PIP5K1B: variants seen among roughly 807,000 people sequenced by gnomAD.
PIP5K1B encodes phosphatidylinositol-4-phosphate 5-kinase type 1 beta.
A neutral mutation model predicts 67.0 loss-of-function variants in PIP5K1B; 42 were observed. That is an observed-to-expected ratio of 0.63 (90% CI 0.49 to 0.81). The LOEUF (loss-of-function observed/expected upper bound fraction) is 0.81. Ranked by LOEUF, PIP5K1B falls within the 30% of genes least tolerant of loss-of-function variation. The pLI is 0.00. For missense variants in PIP5K1B, 459 were observed against 646.3 expected (o/e 0.71, Z 3.14); for synonymous variants, 214 against 231.4 (o/e 0.92, Z 0.68).
intron 4 of PIP5K1B, among the ~76,000 whole-genome samples, chr9:68,851,649 A>T (rs1822488028): frequency 6.6e-6 from 1 of 152,204 alleles, no homozygotes; most frequent in Admixed American, 6.5e-5. Context: ...AGGATACTGA[A>T]AAGAGAATGG....
chr9:68,714,171 G>A (rs1587328982), intron 1 of PIP5K1B, among the ~76,000 whole-genome samples: 1 of 152,106 alleles, frequency 6.6e-6, no homozygotes, highest in Non-Finnish European at 1.5e-5. Flanking sequence ...TTGACATTGC[G>A]CTTGGATATC....
intron 14 of PIP5K1B, among the ~76,000 whole-genome samples, chr9:68,979,282 A>G (rs1344224642): frequency 1.3e-5 from 2 of 152,210 alleles, no homozygotes; most frequent in African/African-American, 2.4e-5. Context: ...AAATGTACAA[A>G]ATAAATAGCC....
At position 68,815,441 on chromosome 9, in the gene PIP5K1B, A is replaced by G. The variant is rs188980641; in HGVS notation, c.-85-3020A>G. On this transcript the variant is annotated intron_variant, in intron 2 of 15. Coordinates refer to ENST00000265382, the MANE Select transcript of PIP5K1B (RefSeq NM_003558.4). ...AATATGTATATAATATAAAGAATGT[A>G]CATATACACATGCAACATTAGGAAT... Among the ~76,000 whole-genome samples the G allele has an allele frequency of 2.7e-3, 413 of 152,232 alleles. 9 individuals are homozygous for G. Among genetic ancestry groups the G allele is most frequent in the Admixed American group, 0.024 (362 of 15,296 alleles).
chr9:68,748,393 A>T (rs1033233671), intron 2 of PIP5K1B, among the ~76,000 whole-genome samples: 3 of 152,226 alleles, frequency 2.0e-5, no homozygotes, highest in Non-Finnish European at 4.4e-5. Context: ...CTAAAGAAGC[A>T]TGTGTAGTTA....
intron 14 of PIP5K1B, chr9:68,965,529 T>C (rs1266652146): frequency 1.3e-5 from 2 of 152,164 alleles, no homozygotes; most frequent in Non-Finnish European, 2.9e-5. Flanking sequence ...ATGATATAAA[T>C]GTAGTCAATC....
intron 15 of PIP5K1B, among the ~76,000 whole-genome samples, chr9:68,998,202 C>T (rs1830676984): frequency 1.3e-5 from 2 of 152,052 alleles, no homozygotes; most frequent in Admixed American, 1.3e-4. Flanking sequence ...TCCCAAGTAG[C>T]TGGGACTACA....
chr9:68,948,067 T>C (rs1259710100), intron 14 of PIP5K1B, among the ~76,000 whole-genome samples: 4 of 152,206 alleles, frequency 2.6e-5, no homozygotes, highest in African/African-American at 9.6e-5. Context: ...GAATCTTTCT[T>C]AGTCTGGAGC....
chr9:68,734,221 T>G (rs1828611952), intron 1 of PIP5K1B, among the ~76,000 whole-genome samples: 1 of 152,214 alleles, frequency 6.6e-6, no homozygotes, highest in Non-Finnish European at 1.5e-5. Flanking sequence ...GCACAAAGTA[T>G]ATACAGAAAA....
At chr9:68,780,371 C>T (rs375563692) in intron 2 of PIP5K1B, 11 of 1,612,988 alleles carry the variant, frequency 6.8e-6, no homozygotes, top group Non-Finnish European at 7.6e-6. Flanking sequence ...CGAGCCGCCA[C>T]GGCCTGCTGC....
intron 4 of PIP5K1B, among the ~76,000 whole-genome samples, chr9:68,861,524 A>C (rs1466430221): frequency 6.6e-6 from 1 of 152,188 alleles, no homozygotes; most frequent in Non-Finnish European, 1.5e-5. Context: ...AAGTGTTAAA[A>C]TGATGTTATC....
At chr9:68,755,933 C>T (rs1829903913) in intron 2 of PIP5K1B, among the ~76,000 whole-genome samples, 1 of 152,192 alleles carries the variant, frequency 6.6e-6, no homozygotes, top group Non-Finnish European at 1.5e-5. Flanking sequence ...CTTAAGGTCA[C>T]CTGAACAAAA....
chr9:68,847,367 T>C (rs1373618374), intron 4 of PIP5K1B, among the ~76,000 whole-genome samples: 2 of 149,842 alleles, frequency 1.3e-5, no homozygotes, highest in African/African-American at 4.9e-5. Context: ...AAGGGAGTTA[T>C]AATCATCCCC....
Position 68,785,397 on chromosome 9 carries a change from C to A in PIP5K1B, c.-85-33064C>A, listed in dbSNP as rs1831552235. On this transcript the variant is annotated intron_variant, in intron 2 of 15. Coordinates refer to ENST00000265382, the MANE Select transcript of PIP5K1B (RefSeq NM_003558.4). ...GCTGTTAGAGAATCAGGGCTGAAGG[C>A]AAGCCTTGAGTGCCACTTACTTGGT... 2.0e-5 allele frequency among the ~76,000 whole-genome samples: 3 copies of A among 152,148 alleles called. No individual in the cohort carries two copies. The South Asian group carries it at 6.2e-4, about 32-fold the overall frequency.
intron 2 of PIP5K1B, among the ~76,000 whole-genome samples, chr9:68,805,194 T>TGA (rs1438277024): frequency 6.6e-6 from 1 of 152,126 alleles, no homozygotes; most frequent in Non-Finnish European, 1.5e-5. Context: ...CTCTGACACT[T>TGA]GAGAGGGAGC....
chr9:68,713,125 G>A (rs1240790034), intron 1 of PIP5K1B, among the ~76,000 whole-genome samples: 7 of 152,306 alleles, frequency 4.6e-5, no homozygotes, highest in Non-Finnish European at 5.9e-5. Flanking sequence ...GAGGCCAGGC[G>A]CGGTGGCTCA....
chr9:68,922,993 C>T (rs955363043), intron 11 of PIP5K1B, among the ~76,000 whole-genome samples: 2 of 152,270 alleles, frequency 1.3e-5, no homozygotes, highest in South Asian at 4.2e-4. Flanking sequence ...TTAAAAACTC[C>T]TCCTGGGACA....
At chr9:68,780,829 C>G in intron 2 of PIP5K1B, 1 of 1,614,226 alleles carries the variant, frequency 6.2e-7, no homozygotes, top group Non-Finnish European at 8.5e-7. Flanking sequence ...CAGGGCATCA[C>G]CAACATGCTT....
intron 3 of PIP5K1B, among the ~76,000 whole-genome samples, chr9:68,819,509 G>A (rs1833623845): frequency 6.6e-6 from 1 of 152,154 alleles, no homozygotes; most frequent in African/African-American, 2.4e-5. Context: ...CTGGCCTAAA[G>A]CAATCATCCC....
At chr9:68,849,933 T>C (rs1822398516) in intron 4 of PIP5K1B, among the ~76,000 whole-genome samples, 1 of 152,216 alleles carries the variant, frequency 6.6e-6, no homozygotes, top group Non-Finnish European at 1.5e-5. Context: ...GCCTATATTG[T>C]TTTTCAGGTA....
Sources: gnomAD v4.1 joint callset for allele counts (sites outside exome capture counted in the v4.1 genomes callset) on GRCh38, gnomAD v4.1.1 for gene constraint, MANE v1.5 for transcripts, NCBI Gene and HGNC (gene_info 2026-07-23, HGNC 2026-07-21) for gene names.